Variants in AGMO observed in about 807,000 individuals in gnomAD.
The protein encoded by AGMO is glyceryl-ether monooxygenase.
A neutral mutation model predicts 60.2 loss-of-function variants in AGMO; 75 were observed. That is an observed-to-expected ratio of 1.25 (90% CI 1.03 to 1.51). The LOEUF (loss-of-function observed/expected upper bound fraction) is 1.51, where lower values mean the gene tolerates loss of function less well. Among genes scored for constraint, AGMO ranks in the 40% most tolerant of loss-of-function variants. AGMO has a pLI of 0.00. For missense variants in AGMO, 763 were observed against 525.5 expected (o/e 1.45, Z -4.42); for synonymous variants, 261 against 177.1 (o/e 1.47, Z -3.76).
intron 12 of AGMO, among the ~76,000 whole-genome samples, chr7:15,352,756 G>A (rs1782295516): frequency 6.6e-6 from 1 of 151,730 alleles, no homozygotes; most frequent in African/African-American, 2.4e-5. Context: ...TCAGCGACAG[G>A]ATTCTCCTTA....
At chr7:15,469,506 CACTT>C (rs1047737426) in intron 3 of AGMO, among the ~76,000 whole-genome samples, 102 of 152,274 alleles carry the variant, frequency 6.7e-4, no homozygotes, top group African/African-American at 2.4e-3. Context: ...CCTGCTGAGA[CACTT>C]ACTGGATAAG....
downstream of AGMO, among the ~76,000 whole-genome samples, chr7:15,197,851 CT>C (rs1781159484): frequency 6.6e-6 from 1 of 152,120 alleles, no homozygotes; most frequent in Admixed American, 6.6e-5. Flanking sequence ...ATTCAGATGT[CT>C]GACATCGTGG....
intron 12 of AGMO, among the ~76,000 whole-genome samples, chr7:15,330,840 G>A (rs942737982): frequency 2.6e-5 from 4 of 152,040 alleles, no homozygotes; most frequent in Admixed American, 2.6e-4. Flanking sequence ...AAATGGAAGT[G>A]TAGAAATCCG....
At chr7:15,147,094 G>C in the AGMO span, among the ~76,000 whole-genome samples, 2 of 152,052 alleles carry the variant, frequency 1.3e-5, no homozygotes, top group Admixed American at 6.6e-5. Context: ...CCTTCTTGTT[G>C]CTTGGCCTTC....
the AGMO span, among the ~76,000 whole-genome samples, chr7:15,141,928 A>G: frequency 1.3e-5 from 2 of 152,200 alleles, no homozygotes; most frequent in Admixed American, 1.3e-4. Context: ...AAAATCTATT[A>G]AGAAAGGTCA....
intron 3 of AGMO, among the ~76,000 whole-genome samples, chr7:15,518,764 A>C (rs182143851): frequency 6.6e-6 from 1 of 152,186 alleles, no homozygotes; most frequent in African/African-American, 2.4e-5. Context: ...CTTCTCCTCC[A>C]AAGTATCACA....
At chr7:15,151,982 A>T in the AGMO span, among the ~76,000 whole-genome samples, 1 of 152,152 alleles carries the variant, frequency 6.6e-6, no homozygotes, top group Non-Finnish European at 1.5e-5. Context: ...TTTCTGTAGC[A>T]GGGAGCTGAA....
the AGMO span, among the ~76,000 whole-genome samples, chr7:15,150,895 T>C: frequency 6.6e-6 from 1 of 152,242 alleles, no homozygotes; most frequent in South Asian, 2.1e-4. Context: ...GTAGTATTGG[T>C]ACCAGTTCTT....
At chr7:15,359,732 C>T (rs1316291160) in intron 12 of AGMO, among the ~76,000 whole-genome samples, 1 of 152,108 alleles carries the variant, frequency 6.6e-6, no homozygotes, top group Admixed American at 6.5e-5. Flanking sequence ...TCCACATTTG[C>T]CAAACAAGTT....
chr7:15,322,651 T>A (rs866579345), intron 12 of AGMO, among the ~76,000 whole-genome samples: 3 of 56,578 alleles, frequency 5.3e-5, no homozygotes, highest in African/African-American at 9.9e-5. Context: ...AATATATAAA[T>A]ATATATATAA....
At chr7:15,151,810 T>C in the AGMO span, among the ~76,000 whole-genome samples, 8,026 of 152,222 alleles carry the variant, frequency 0.053, 291 homozygotes, top group Non-Finnish European at 0.084. Context: ...TCTGCAGATA[T>C]TTGTTAGGTC....
chr7:15,190,479 G>A, the AGMO span, among the ~76,000 whole-genome samples: 4 of 151,890 alleles, frequency 2.6e-5, no homozygotes, highest in African/African-American at 9.7e-5. Flanking sequence ...TAGAAGAAAT[G>A]GAAGTAACAG....
intron 3 of AGMO, among the ~76,000 whole-genome samples, chr7:15,485,775 G>T (rs1035649671): frequency 6.6e-5 from 10 of 151,732 alleles, no homozygotes; most frequent in African/African-American, 2.2e-4. Flanking sequence ...CTGCTCTTAA[G>T]ATCAAGGAAG....
At chr7:15,449,650 A>G (rs1402830383) in intron 3 of AGMO, among the ~76,000 whole-genome samples, 1 of 152,148 alleles carries the variant, frequency 6.6e-6, no homozygotes, top group South Asian at 2.1e-4. Flanking sequence ...AGTACACTCT[A>G]TGAGGTTTGC....
At chr7:15,394,938 A>T (rs1174673341) in intron 5 of AGMO, among the ~76,000 whole-genome samples, 3 of 152,182 alleles carry the variant, frequency 2.0e-5, no homozygotes, top group Non-Finnish European at 4.4e-5. Context: ...CACATTTCTT[A>T]GATTCCCCTA....
the AGMO span, among the ~76,000 whole-genome samples, chr7:15,172,015 A>T: frequency 6.6e-6 from 1 of 152,164 alleles, no homozygotes; most frequent in Non-Finnish European, 1.5e-5. Flanking sequence ...TCATAACCAC[A>T]ACTCAATGAG....
In AGMO at chr7:15,431,111, G is replaced by A. The variant is rs374348350; in HGVS notation, c.410-3C>T. ...TCCGGCCCACATAATATTAACTTCTGCAAAACACATAATTTGCAATGAGCC... is the reference window on the plus strand; with the variant it reads ...TCCGGCCCACATAATATTAACTTCTACAAAACACATAATTTGCAATGAGCC... On this transcript the variant is annotated splice_polypyrimidine_tract_variant and splice_region_variant and intron_variant, in intron 3 of 12. Transcript: ENST00000342526. 1.2e-6 allele frequency: 2 copies of A among 1,600,934 alleles called. No individual in the cohort carries two copies. The highest frequency in any genetic ancestry group is 1.7e-6 in the Non-Finnish European group (2 of 1,169,670).
At chr7:15,178,844 G>A in the AGMO span, among the ~76,000 whole-genome samples, 1 of 152,064 alleles carries the variant, frequency 6.6e-6, no homozygotes, top group South Asian at 2.1e-4. Context: ...GGTTCTGGAG[G>A]CTGGGGAGTT....
intron 12 of AGMO, among the ~76,000 whole-genome samples, chr7:15,275,244 T>C (rs2128516046): frequency 6.6e-6 from 1 of 152,036 alleles, no homozygotes; most frequent in South Asian, 2.1e-4. Context: ...GGTATATTAA[T>C]ATTATGTCTC....
Sources: allele counts gnomAD v4.1 joint callset (sites outside exome capture counted in the v4.1 genomes callset), GRCh38; gene constraint gnomAD v4.1.1; transcripts MANE v1.5; gene names NCBI Gene and HGNC (gene_info 2026-07-23, HGNC 2026-07-21).